Variants in NR3C2 observed in about 807,000 individuals in gnomAD.
NR3C2 encodes mineralocorticoid receptor.
NR3C2 carries 15 observed loss-of-function variants against 86.4 expected under a neutral mutation model. The ratio of observed to expected loss-of-function variants is 0.17; its 90% CI spans 0.12 to 0.27. The LOEUF (loss-of-function observed/expected upper bound fraction) is 0.27, where lower values mean the gene tolerates loss of function less well. Among genes scored for constraint, NR3C2 ranks in the 10% least tolerant of loss-of-function variants. The pLI is 1.00. For synonymous variants in NR3C2, 458 were observed against 450.5 expected (o/e 1.02, Z -0.21); for missense variants, 960 against 1,195.6 (o/e 0.80, Z 2.91).
chr4:148,393,985 C>T (rs1242361123), intron 2 of NR3C2, among the ~76,000 whole-genome samples: 1 of 152,178 alleles, frequency 6.6e-6, no homozygotes, highest in Non-Finnish European at 1.5e-5. Flanking sequence ...CTGTGTGTGT[C>T]CAGAGACTGG....
At chr4:148,331,793 T>G (rs1353119333) in intron 2 of NR3C2, among the ~76,000 whole-genome samples, 1 of 152,198 alleles carries the variant, frequency 6.6e-6, no homozygotes, top group African/African-American at 2.4e-5. Context: ...AGAGGACAAG[T>G]GAACTTGTCA....
intron 3 of NR3C2, among the ~76,000 whole-genome samples, chr4:148,256,333 G>A (rs1739829397): frequency 6.6e-6 from 1 of 152,114 alleles, no homozygotes; most frequent in Non-Finnish European, 1.5e-5. Context: ...GAAAAATGAC[G>A]ACCTAACAAC....
At chr4:148,332,795 T>C (rs928131108) in intron 2 of NR3C2, among the ~76,000 whole-genome samples, 1 of 152,214 alleles carries the variant, frequency 6.6e-6, no homozygotes, top group Non-Finnish European at 1.5e-5. Context: ...ATATCAATTT[T>C]ATTTGGTTTT....
chr4:148,368,424 G>A (rs796826033), intron 2 of NR3C2: 33 of 152,182 alleles, frequency 2.2e-4, no homozygotes, highest in African/African-American at 7.0e-4. Context: ...AAATCGAATC[G>A]TGGGAAGAAA....
chr4:148,154,462 ACTC>A, intron 5 of NR3C2, 86 bp downstream of exon 5: 2 of 1,196,300 alleles, frequency 1.7e-6, no homozygotes, highest in Non-Finnish European at 2.5e-6. Context: ...TAGAACGCAA[ACTC>A]CTCCTGCATG....
At chr4:148,114,873 C>T (rs897701562) in intron 7 of NR3C2, among the ~76,000 whole-genome samples, 1 of 152,248 alleles carries the variant, frequency 6.6e-6, no homozygotes, top group East Asian at 1.9e-4. Context: ...AAGGGGAGGA[C>T]GCTGCATACA....
chr4:148,405,633 A>G (rs755538112), intron 2 of NR3C2, among the ~76,000 whole-genome samples: 5 of 152,230 alleles, frequency 3.3e-5, no homozygotes, highest in Non-Finnish European at 7.3e-5. Context: ...CTTTATACTG[A>G]TAAAAACTTG....
chr4:148,175,202 C>A (rs1028394704), intron 4 of NR3C2, among the ~76,000 whole-genome samples: 1 of 152,088 alleles, frequency 6.6e-6, no homozygotes, highest in African/African-American at 2.4e-5. Flanking sequence ...AACTAAAGGC[C>A]GGTTAAAAAA....
intron 2 of NR3C2, among the ~76,000 whole-genome samples, chr4:148,356,057 T>A (rs543366523): frequency 1.3e-5 from 2 of 152,222 alleles, no homozygotes; most frequent in Admixed American, 1.3e-4. Flanking sequence ...TCAATCAAGA[T>A]CTTGAATGTG....
chr4:148,102,340 T>C (rs1731576592), intron 8 of NR3C2, among the ~76,000 whole-genome samples: 1 of 152,132 alleles, frequency 6.6e-6, no homozygotes. Context: ...GCAGGCTGCC[T>C]TCCTCACCTT....
intron 2 of NR3C2, among the ~76,000 whole-genome samples, chr4:148,328,136 G>A (rs1214066094): frequency 6.6e-6 from 1 of 152,198 alleles, no homozygotes; most frequent in African/African-American, 2.4e-5. Flanking sequence ...AATGACTGCA[G>A]TGATGAGGAA....
chr4:148,086,808 C>G (rs1271332744), intron 8 of NR3C2, among the ~76,000 whole-genome samples: 1 of 152,120 alleles, frequency 6.6e-6, no homozygotes, highest in Non-Finnish European at 1.5e-5. Context: ...TCTGCCAAAC[C>G]CACAGCCAAT....
intron 3 of NR3C2, among the ~76,000 whole-genome samples, chr4:148,204,075 G>A (rs927373019): frequency 6.6e-6 from 1 of 152,062 alleles, no homozygotes; most frequent in African/African-American, 2.4e-5. Flanking sequence ...TTCTTGTTGT[G>A]AAAGGTGTTC....
intron 3 of NR3C2, among the ~76,000 whole-genome samples, chr4:148,241,540 T>C (rs1275113992): frequency 3.3e-5 from 5 of 152,052 alleles, no homozygotes. Context: ...TAAGCTCTCG[T>C]GTGTCTCATA....
intron 2 of NR3C2, among the ~76,000 whole-genome samples, chr4:148,364,919 A>G (rs1746035321): frequency 6.6e-6 from 1 of 151,938 alleles, no homozygotes; most frequent in Admixed American, 6.6e-5. Flanking sequence ...TACACCTTAT[A>G]CACAGAGCCT....
At chr4:148,144,947 T>C (rs950799401) in intron 6 of NR3C2, among the ~76,000 whole-genome samples, 4 of 152,134 alleles carry the variant, frequency 2.6e-5, no homozygotes, top group African/African-American at 7.2e-5. Context: ...AGTGTTATAG[T>C]AGGTAGTCAG....
intron 6 of NR3C2, among the ~76,000 whole-genome samples, chr4:148,144,014 G>T (rs144671508): frequency 4.0e-5 from 6 of 148,742 alleles, no homozygotes; most frequent in African/African-American, 1.5e-4. Context: ...CTCAGTTCTC[G>T]TCTTAAGTTA....
intron 2 of NR3C2, among the ~76,000 whole-genome samples, chr4:148,422,922 T>C (rs1032917082): frequency 6.6e-6 from 1 of 152,200 alleles, no homozygotes; most frequent in Non-Finnish European, 1.5e-5. Context: ...CTTGTTCCTA[T>C]AAACTCCTGT....
chr4:148,184,057 C>G (rs1413664608), intron 4 of NR3C2, among the ~76,000 whole-genome samples: 5 of 152,020 alleles, frequency 3.3e-5, no homozygotes, highest in Admixed American at 1.3e-4. Context: ...TCCTCTACAA[C>G]AAGAACTATC....
Sources: allele counts gnomAD v4.1 joint callset (sites outside exome capture counted in the v4.1 genomes callset), GRCh38; gene constraint gnomAD v4.1.1; transcripts MANE v1.5; gene names NCBI Gene and HGNC (gene_info 2026-07-23, HGNC 2026-07-21).